The following KAZN variants were observed in gnomAD, a reference collection of about 807,000 sequenced individuals.
KAZN encodes kazrin.
In KAZN, 40 loss-of-function variants were observed where a neutral mutation model predicts 87.4. The observed-to-expected ratio is 0.46, with a 90% confidence interval of 0.36 to 0.60. The LOEUF (loss-of-function observed/expected upper bound fraction) is 0.60. Among genes scored for constraint, KAZN ranks in the 20% least tolerant of loss-of-function variants. The pLI, the probability that KAZN is intolerant of heterozygous loss-of-function variation, is 0.00. For synonymous variants in KAZN, 466 were observed against 458.3 expected (o/e 1.02, Z -0.22); for missense variants, 898 against 1,073.9 (o/e 0.84, Z 2.29).
At chr1:14,621,464 T>C (rs1269322292) in intron 1 of KAZN, among the ~76,000 whole-genome samples, 2 of 152,332 alleles carry the variant, frequency 1.3e-5, no homozygotes, top group African/African-American at 2.4e-5. Context: ...TAAGGAACCA[T>C]AGAGACAGGT....
chr1:14,200,130 GA>G (rs1390219989), intron 2 of KAZN, among the ~76,000 whole-genome samples: 1 of 151,950 alleles, frequency 6.6e-6, no homozygotes, highest in African/African-American at 2.4e-5. Flanking sequence ...TCACAACAGT[GA>G]AAAATTGGAA....
At chr1:14,360,144 A>G (rs1422350893) in intron 2 of KAZN, among the ~76,000 whole-genome samples, 5 of 151,936 alleles carry the variant, frequency 3.3e-5, no homozygotes, top group Non-Finnish European at 7.4e-5. Context: ...ATTCCTTTTC[A>G]TTCTTTTTTC....
At chr1:14,723,983 T>C (rs1643253340) in intron 1 of KAZN, among the ~76,000 whole-genome samples, 1 of 152,196 alleles carries the variant, frequency 6.6e-6, no homozygotes, top group African/African-American at 2.4e-5. Flanking sequence ...TATGGCAGAA[T>C]TGGGGACCAG....
At chr1:14,037,484 C>G (rs1282771892) in intron 1 of KAZN, among the ~76,000 whole-genome samples, 1 of 152,158 alleles carries the variant, frequency 6.6e-6, no homozygotes, top group Non-Finnish European at 1.5e-5. Context: ...GTCTTACCTC[C>G]CTTGTTGGTC....
chr1:14,031,731 A>G (rs1295322513), intron 1 of KAZN, among the ~76,000 whole-genome samples: 5 of 152,152 alleles, frequency 3.3e-5, no homozygotes, highest in African/African-American at 1.2e-4. Context: ...TATCTCATGA[A>G]TTGCTTAAAG....
rs562136932 is a variant in KAZN, at chr1:14,475,035, T to C, written c.250-123948T>C. On this transcript the variant is annotated intron_variant, in intron 2 of 16. Transcript: ENST00000636203. ...ATGGATGAATGGATGGAGGGATAAA[T>C]TGTAGATGGATATTGGATGGATGGA... is the stretch of plus-strand genomic sequence containing the variant. 2.0e-5 allele frequency among the ~76,000 whole-genome samples: 3 copies of C among 151,854 alleles called. No individual in the cohort carries two copies. The South Asian group carries it at 6.3e-4, about 32-fold the overall frequency.
At chr1:14,110,795 G>A (rs966775774) in intron 1 of KAZN, among the ~76,000 whole-genome samples, 1 of 134,068 alleles carries the variant, frequency 7.5e-6, no homozygotes, top group East Asian at 3.0e-4. Flanking sequence ...AAAAAGACAC[G>A]TAAAATATCT....
chr1:14,545,934 A>G (rs1350861707), intron 2 of KAZN, among the ~76,000 whole-genome samples: 2 of 152,150 alleles, frequency 1.3e-5, no homozygotes, highest in East Asian at 3.9e-4. Flanking sequence ...GGGAAGTATG[A>G]TCCTACCATG....
At chr1:14,292,603 C>T (rs1653796541) in intron 2 of KAZN, among the ~76,000 whole-genome samples, 1 of 152,158 alleles carries the variant, frequency 6.6e-6, no homozygotes, top group Non-Finnish European at 1.5e-5. Context: ...CTGAAGCTGC[C>T]CCCATGGCCG....
intron 1 of KAZN, among the ~76,000 whole-genome samples, chr1:14,630,072 G>A (rs1203267859): frequency 6.6e-6 from 1 of 152,182 alleles, no homozygotes; most frequent in Admixed American, 6.5e-5. Flanking sequence ...AACATCATTG[G>A]CCCTCAGGCC....
At chr1:13,957,020 T>G (rs959585255) in intron 1 of KAZN, among the ~76,000 whole-genome samples, 3 of 152,124 alleles carry the variant, frequency 2.0e-5, no homozygotes, top group Non-Finnish European at 4.4e-5. Flanking sequence ...TGAGTCTTCT[T>G]TATGAGATGA....
At chr1:14,698,792 A>C (rs1252984319) in intron 1 of KAZN, among the ~76,000 whole-genome samples, 2 of 152,244 alleles carry the variant, frequency 1.3e-5, no homozygotes, top group African/African-American at 2.4e-5. Flanking sequence ...AGTTTGCTGA[A>C]TTAAAATGCA....
Position 15,063,606 on chromosome 1 carries a change from A to G in KAZN, c.1082A>G (p.His361Arg). ...CCCGGCCCAGTTCAGAAGAACCTGC[A>G]CAACCCTATTGTACAGGTAGGTGTG... Reference protein sequence around the residue: ...DSPGPVQKNLHNPIVQSLEDL... With the variant: ...DSPGPVQKNLRNPIVQSLEDL... The change falls in exon 7 of 15, where the codon CAC (histidine) becomes CGC (arginine). Residue 361 changes from histidine (H) to arginine (R), a missense_variant. Coordinates refer to ENST00000376030, the MANE Select transcript of KAZN (RefSeq NM_201628.3). 1 of 1,614,082 alleles carries G rather than the reference A, an allele frequency of 6.2e-7. No individual in the cohort carries two copies. Among genetic ancestry groups the G allele is most frequent in the South Asian group, 1.1e-5 (1 of 91,082 alleles).
intron 2 of KAZN, among the ~76,000 whole-genome samples, chr1:14,350,653 G>A (rs951768806): frequency 3.3e-5 from 5 of 152,180 alleles, no homozygotes; most frequent in Non-Finnish European, 7.3e-5. Flanking sequence ...ATGATCCATC[G>A]AAGTGTCCAC....
chr1:14,408,918 G>A (rs1049538897), intron 2 of KAZN, among the ~76,000 whole-genome samples: 12 of 152,042 alleles, frequency 7.9e-5, no homozygotes, highest in East Asian at 1.9e-4. Flanking sequence ...GAGGGGGGGC[G>A]TTGTTTTATG....
chr1:14,381,362 C>T (rs538655225), intron 2 of KAZN, among the ~76,000 whole-genome samples: 7 of 150,388 alleles, frequency 4.7e-5, no homozygotes, highest in Non-Finnish European at 7.4e-5. Context: ...CTACCAAAAC[C>T]GGACAATCAA....
intron 1 of KAZN, among the ~76,000 whole-genome samples, chr1:14,680,850 C>T (rs186823379): frequency 3.9e-5 from 6 of 152,172 alleles, no homozygotes; most frequent in East Asian, 1.9e-4. Flanking sequence ...TAAGGAAATA[C>T]GTGAGACTCG....
chr1:14,177,047 A>G (rs1027980154), intron 1 of KAZN, among the ~76,000 whole-genome samples: 1 of 152,040 alleles, frequency 6.6e-6, no homozygotes, highest in African/African-American at 2.4e-5. Flanking sequence ...AGTCCCAGCT[A>G]CTCGGGAGGC....
intron 1 of KAZN, among the ~76,000 whole-genome samples, chr1:14,805,170 G>C (rs1572528628): frequency 6.6e-6 from 1 of 152,080 alleles, no homozygotes; most frequent in Non-Finnish European, 1.5e-5. Context: ...AAGCTACAAG[G>C]GTGTTTTTCT....
Sources: gnomAD v4.1 joint callset for allele counts (sites outside exome capture counted in the v4.1 genomes callset) on GRCh38, gnomAD v4.1.1 for gene constraint, MANE v1.5 for transcripts, NCBI Gene and HGNC (gene_info 2026-07-23, HGNC 2026-07-21) for gene names.